Variants in DLL3 observed in about 807,000 individuals in gnomAD.
DLL3 encodes the protein delta-like protein 3.
In DLL3, 49 loss-of-function variants were observed where a neutral mutation model predicts 55.0. The observed-to-expected ratio is 0.89, with a 90% CI of 0.71 to 1.13. The LOEUF (loss-of-function observed/expected upper bound fraction) is 1.13. DLL3 is among the 50% of genes most tolerant of loss of function. DLL3 has a pLI of 0.00. For synonymous variants in DLL3, 421 were observed against 385.2 expected (o/e 1.09, Z -1.09); for missense variants, 962 against 875.5 (o/e 1.10, Z -1.25).
At chr19:39,507,769 G>A (rs2079653266) in intron 7 of DLL3, 61 bp from the exon 8 acceptor site, 25 of 1,611,948 alleles carry the variant, frequency 1.6e-5, no homozygotes, top group Non-Finnish European at 1.6e-5. Context: ...TGATGGGTAG[G>A]GGAAAACAAG....
chr19:39,508,275 C>T lies in DLL3; in HGVS notation c.*18C>T. 6.2e-7 allele frequency: 1 copy of T among 1,613,904 alleles called. No individual in the cohort carries two copies. ...AGGCCTGACGCGTCTCCTCCATCCG[C>T]ACCTGGAGTCAGAGCGTGGATTTTT... On this transcript the variant is annotated 3_prime_UTR_variant, in exon 9 of 9. Transcript: ENST00000356433.
intron 7 of DLL3, 52 bp downstream of exon 7, chr19:39,507,670 C>T: frequency 1.3e-6 from 2 of 1,587,852 alleles, no homozygotes; most frequent in South Asian, 1.1e-5. Flanking sequence ...TGCTTTTACC[C>T]ATCTCCGTGG....
chr19:39,503,949 G>A, intron 4 of DLL3, 122 bp from the exon 5 acceptor site: 1 of 937,702 alleles, frequency 1.1e-6, no homozygotes, highest in Admixed American at 2.0e-5. Flanking sequence ...ATGATTATCT[G>A]TCACAAAGAT....
chr19:39,502,870 A>T lies in DLL3; in HGVS notation c.465A>T (p.Gly155=). The part of the protein sequence containing the change: ...RVAGRRRLAA[G]GPWARDIQRA... ...CTGGCAGGCGGCGCTTGGCAGCCGG[A>T]GGCCCGTGGGCCCGGGACATTCAGC... The change falls in exon 4 of 9, where the codon GGA becomes GGT. Residue 155 remains glycine (G), a synonymous_variant. Coordinates refer to ENST00000356433, the MANE Select transcript of DLL3 (RefSeq NM_203486.3). The T allele has an allele frequency of 7.1e-7, 1 of 1,417,782 alleles. No homozygotes were observed. The highest frequency in any genetic ancestry group is 9.2e-7 in the Non-Finnish European group (1 of 1,091,120). 87.8% of individuals were successfully genotyped at this position (1,417,782 alleles called of 1,614,324 possible). A position where few individuals can be genotyped will look rare whatever the true frequency, so the allele number is the denominator to read the frequency against.
Position 39,508,336 on chromosome 19 carries a change from G to A in DLL3, c.*79G>A, listed in dbSNP as rs2079657467. On this transcript the variant is annotated 3_prime_UTR_variant, in exon 9 of 9. Coordinates refer to ENST00000356433, the MANE Select transcript of DLL3 (RefSeq NM_203486.3). ...GGTGGTGCCCAGTCTCTGCCCCAGA[G>A]GCTTTGGAGTTCAATCTTGAAGGGG... The A allele has an allele frequency of 4.5e-6, 7 of 1,548,096 alleles. No individual in the cohort carries two copies. Among genetic ancestry groups the A allele is most frequent in the Non-Finnish European group, 5.3e-6 (6 of 1,121,542 alleles).
chr19:39,504,931 G>A (rs959286654), intron 5 of DLL3, among the ~76,000 whole-genome samples: 2 of 152,098 alleles, frequency 1.3e-5, no homozygotes, highest in South Asian at 2.1e-4. Context: ...AGTAGGACTC[G>A]TCAGTGTAGA....
Position 39,499,341 on chromosome 19 carries a change from C to T in DLL3, c.219C>T (p.Ala73=), listed in dbSNP as rs754633975. 3.9e-6 allele frequency: 6 copies of T among 1,551,420 alleles called. No homozygotes were observed. Among genetic ancestry groups the T allele is most frequent in the South Asian group, 3.5e-5 (3 of 85,382 alleles). The stretch of plus-strand genomic sequence containing the variant: ...AGCCTGGGCTCTCAGAGGAGGCCGC[C>T]GAGTCCCCGTGCGCCCTGGGCGCGG... The part of the protein sequence containing the change: ...CLKPGLSEEA[A]ESPCALGAAL... Residue 73 remains alanine, a synonymous_variant, in exon 2 of 9, where the codon GCC becomes GCT. Transcript: ENST00000356433.
In DLL3 at chr19:39,502,951, C is replaced by T. The variant is rs8106337; in HGVS notation, c.546C>T (p.Ala182=). ...FSYRARCEPP[A]VGTACTRLCR... ...ACCGCGCGCGCTGCGAGCCGCCTGC[C>T]GTCGGGACCGCGTGCACGCGCCTCT... Residue 182 remains alanine (A), a synonymous_variant, in exon 4 of 9, where the codon GCC becomes GCT. Transcript: ENST00000356433. 2.4e-5 allele frequency: 35 copies of T among 1,453,864 alleles called. No homozygotes were observed. Among genetic ancestry groups the T allele is most frequent in the African/African-American group, 1.8e-4 (12 of 67,532 alleles). The allele number at this position is 1,453,864 out of a possible 1,614,324, so 90.1% of individuals were successfully genotyped here.
chr19:39,503,796 C>A (rs569534703), intron 4 of DLL3, among the ~76,000 whole-genome samples: 2 of 152,288 alleles, frequency 1.3e-5, no homozygotes, highest in African/African-American at 4.8e-5. Flanking sequence ...CATCCTCTTT[C>A]CAAGAGCACA....
Position 39,499,473 on chromosome 19 carries a change from T to C in DLL3, c.351T>C (p.Pro117=), listed in dbSNP as rs769556737. ...AGGTGCCCTTCCGGGACGCCTGGCC[T>C]GTAAGTGCTGCCCCCGGGGGACTCC... The part of the protein sequence containing the change: ...LLQVPFRDAW[P]GTFSFIIETW... The change falls in exon 2 of 9, where the codon CCT becomes CCC. Residue 117 remains proline (P), a splice_region_variant and synonymous_variant. Transcript: ENST00000356433. The C allele has an allele frequency of 3.1e-6, 5 of 1,588,128 alleles. No homozygotes were observed. In the Admixed American group the frequency reaches 8.5e-5, roughly 27 times the overall value.
chr19:39,507,842 T>C lies in DLL3; in HGVS notation c.1686T>C (p.Asp562=). Reference sequence around the variant, plus strand: ...TCTCCTCCCACAGCTCGTCCGTAGATTGGAATCGCCCTGAAGATGTAGACC... The same window carrying C: ...TCTCCTCCCACAGCTCGTCCGTAGACTGGAATCGCCCTGAAGATGTAGACC... ...GSGDGPSSSV[D]WNRPEDVDPQ... is the part of the protein sequence containing the mutation. The change falls in exon 8 of 9, where the codon GAT becomes GAC. Residue 562 remains aspartate, a synonymous_variant. Transcript: ENST00000356433. 6.2e-7 allele frequency: 1 copy of C among 1,614,150 alleles called. No homozygotes were observed. Among genetic ancestry groups the C allele is most frequent in the Middle Eastern group, 1.6e-4 (1 of 6,062 alleles).
At chr19:39,500,095 A>G (rs2079600767) in intron 2 of DLL3, among the ~76,000 whole-genome samples, 1 of 151,708 alleles carries the variant, frequency 6.6e-6, no homozygotes, top group East Asian at 1.9e-4. Flanking sequence ...GAGCGATTCA[A>G]CCACATCTCT....
At chr19:39,505,186 C>T in intron 5 of DLL3, 43 bp from the exon 6 acceptor site, 1 of 1,602,794 alleles carries the variant, frequency 6.2e-7, no homozygotes, top group East Asian at 2.2e-5. Context: ...TGGGATTTTT[C>T]TCCAAGGAAA....
intron 3 of DLL3, 50 bp from the exon 4 acceptor site, chr19:39,502,765 C>A: frequency 7.6e-7 from 1 of 1,321,868 alleles, no homozygotes; most frequent in South Asian, 2.2e-5. Flanking sequence ...CGTATGCATC[C>A]ATGTTCGGCC....
intron 6 of DLL3, 138 bp from the exon 7 acceptor site, chr19:39,506,901 T>C (rs1170239821): frequency 3.5e-6 from 3 of 846,380 alleles, no homozygotes; most frequent in African/African-American, 1.8e-5. Flanking sequence ...CTGGCTTTCC[T>C]GGCACACTCC....
rs919839538 is a variant in DLL3, at chr19:39,505,238, A to G, written c.880A>G (p.Arg294Gly). Residue 294 changes from arginine (R) to glycine (G), a missense_variant, in exon 6 of 9, where the codon AGG becomes GGG. By Grantham distance (125) the Arg-to-Gly change is moderately radical. Coordinates refer to ENST00000356433, the MANE Select transcript of DLL3 (RefSeq NM_203486.3). ...TCTTGTCCCTGCCCAGGAGACACCC[A>G]GGTCCTTTGAATGCACCTGCCCGCG... Reference protein sequence around the residue: ...ANGGSCSETPRSFECTCPRGF... With the variant: ...ANGGSCSETPGSFECTCPRGF... 6.2e-7 allele frequency: 1 copy of G among 1,614,074 alleles called. No individual in the cohort carries two copies. Among genetic ancestry groups the G allele is most frequent in the East Asian group, 2.2e-5 (1 of 44,892 alleles).
In DLL3 at chr19:39,507,362, G is replaced by A; in HGVS notation, c.1417G>A (p.Ala473Thr). ...RCEFPVHPDG[A>T]SALPAAPPGL... ...TGAGTTCCCAGTGCACCCCGACGGC[G>A]CAAGCGCCTTGCCCGCGGCCCCGCC... The change falls in exon 7 of 9, where the codon GCA (alanine) becomes ACA (threonine). Residue 473 changes from alanine (A) to threonine (T), a missense_variant. Ala to Thr is a moderately conservative substitution (Grantham distance 58, BLOSUM62 0). Coordinates refer to ENST00000356433, the MANE Select transcript of DLL3 (RefSeq NM_203486.3). 6.4e-7 allele frequency: 1 copy of A among 1,571,926 alleles called. No individual in the cohort carries two copies. The highest frequency in any genetic ancestry group is 8.6e-7 in the Non-Finnish European group (1 of 1,164,712).
chr19:39,508,261 G>T lies in DLL3; in HGVS notation c.*4G>T, dbSNP rs1276689445. 2 of 1,613,916 alleles carry T rather than the reference G, an allele frequency of 1.2e-6. No homozygotes were observed. Among genetic ancestry groups the T allele is most frequent in the Non-Finnish European group, 8.5e-7 (1 of 1,180,014 alleles). The stretch of plus-strand genomic sequence containing the variant: ...CTCATTTTGTTTCTAGGCCTGACGC[G>T]TCTCCTCCATCCGCACCTGGAGTCA... On this transcript the variant is annotated 3_prime_UTR_variant, in exon 9 of 9. Transcript: ENST00000356433.
At position 39,507,341 on chromosome 19, in the gene DLL3, T is replaced by C. The variant is rs1376033844; in HGVS notation, c.1396T>C (p.Phe466Leu). ...CGGCTACATGGGAGCGCGGTGTGAG[T>C]TCCCAGTGCACCCCGACGGCGCAAG... Reference protein sequence around the residue: ...APGYMGARCEFPVHPDGASAL... With the variant: ...APGYMGARCELPVHPDGASAL... Residue 466 changes from phenylalanine to leucine, a missense_variant, in exon 7 of 9, where the codon TTC (phenylalanine) becomes CTC (leucine). Coordinates refer to ENST00000356433, the MANE Select transcript of DLL3 (RefSeq NM_203486.3). The C allele has an allele frequency of 6.4e-7, 1 of 1,571,304 alleles. No individual in the cohort carries two copies. Among genetic ancestry groups the C allele is most frequent in the Non-Finnish European group, 8.6e-7 (1 of 1,165,896 alleles).
Sources: allele counts gnomAD v4.1 joint callset (sites outside exome capture counted in the v4.1 genomes callset), GRCh38; gene constraint gnomAD v4.1.1; transcripts MANE v1.5; gene names NCBI Gene and HGNC (gene_info 2026-07-23, HGNC 2026-07-21).